Variants in NDUFS6 observed in about 807,000 individuals in gnomAD.
The protein encoded by NDUFS6 is NADH:ubiquinone oxidoreductase subunit S6, also known as NADH dehydrogenase [ubiquinone] iron-sulfur protein 6, mitochondrial.
A neutral mutation model predicts 13.2 loss-of-function variants in NDUFS6; 14 were observed. The ratio of observed to expected loss-of-function variants is 1.06; its 90% CI spans 0.70 to 1.66. NDUFS6 has a LOEUF of 1.66. Ranked by LOEUF, NDUFS6 falls within the 40% of genes most tolerant of loss-of-function variation. NDUFS6 has a pLI of 0.00. For synonymous variants in NDUFS6, 95 were observed against 72.3 expected (o/e 1.31, Z -1.60); for missense variants, 206 against 170.8 (o/e 1.21, Z -1.15).
chr5:1,810,638 C>T (rs1173555290), intron 2 of NDUFS6, among the ~76,000 whole-genome samples: 1 of 152,204 alleles, frequency 6.6e-6, no homozygotes, highest in Non-Finnish European at 1.5e-5. Flanking sequence ...TCTAATGATT[C>T]CCTTTTCCCA....
chr5:1,812,782 G>A (rs1037875129), intron 2 of NDUFS6, among the ~76,000 whole-genome samples: 5 of 151,648 alleles, frequency 3.3e-5, no homozygotes, highest in African/African-American at 1.2e-4. Flanking sequence ...GCCAGGCTCA[G>A]TGGCTCATGT....
At chr5:1,811,669 G>A (rs1451245580) in intron 2 of NDUFS6, among the ~76,000 whole-genome samples, 1 of 152,176 alleles carries the variant, frequency 6.6e-6, no homozygotes, top group Non-Finnish European at 1.5e-5. Flanking sequence ...TCTACTGACC[G>A]CATCACTGTA....
chr5:1,803,831 T>C (rs1734085450), intron 2 of NDUFS6, among the ~76,000 whole-genome samples: 1 of 152,260 alleles, frequency 6.6e-6, no homozygotes, highest in African/African-American at 2.4e-5. Flanking sequence ...TGGGCATTCT[T>C]GTTAGGTATA....
At chr5:1,812,953 T>C (rs1034216494) in intron 2 of NDUFS6, among the ~76,000 whole-genome samples, 1 of 152,128 alleles carries the variant, frequency 6.6e-6, no homozygotes, top group Admixed American at 6.5e-5. Flanking sequence ...CTCGGGAGGC[T>C]GAGGCAGAGA....
At chr5:1,809,923 G>A (rs1466242062) in intron 2 of NDUFS6, among the ~76,000 whole-genome samples, 1 of 152,258 alleles carries the variant, frequency 6.6e-6, no homozygotes, top group African/African-American at 2.4e-5. Context: ...CTGCTTTAAT[G>A]TGGCTTCATT....
At chr5:1,805,383 A>C (rs548672317) in intron 2 of NDUFS6, among the ~76,000 whole-genome samples, 1 of 152,246 alleles carries the variant, frequency 6.6e-6, no homozygotes, top group Non-Finnish European at 1.5e-5. Flanking sequence ...TAGAACAAGC[A>C]TAGCAGGAAG....
intron 3 of NDUFS6, among the ~76,000 whole-genome samples, chr5:1,815,301 A>C (rs11133910): frequency 0.74 from 111,920 of 151,964 alleles, 44,335 homozygotes; most frequent in Non-Finnish European, 0.88. Context: ...GGCCACCGAC[A>C]GTGGAGCACT....
chr5:1,806,306 G>C (rs1447008368), intron 2 of NDUFS6, among the ~76,000 whole-genome samples: 1 of 152,196 alleles, frequency 6.6e-6, no homozygotes, highest in East Asian at 1.9e-4. Flanking sequence ...TCTCTCCTCA[G>C]ATGCTCGGCA....
intron 2 of NDUFS6, among the ~76,000 whole-genome samples, chr5:1,813,741 T>C (rs934463077): frequency 1.3e-5 from 2 of 152,156 alleles, no homozygotes; most frequent in Non-Finnish European, 2.9e-5. Context: ...GGAGACCCAG[T>C]GTACGGTAGC....
chr5:1,806,158 C>G (rs1002850316), intron 2 of NDUFS6, among the ~76,000 whole-genome samples: 6 of 152,244 alleles, frequency 3.9e-5, no homozygotes, highest in Non-Finnish European at 8.8e-5. Context: ...AGGAATTAGG[C>G]AGCAAACCCG....
chr5:1,810,765 C>G (rs536154751), intron 2 of NDUFS6, among the ~76,000 whole-genome samples: 1 of 151,492 alleles, frequency 6.6e-6, no homozygotes, highest in Non-Finnish European at 1.5e-5. Flanking sequence ...CTCTGCTAAT[C>G]GTTGTCGGAG....
At chr5:1,802,914 C>G (rs1301062607) in intron 2 of NDUFS6, among the ~76,000 whole-genome samples, 2 of 112,478 alleles carry the variant, frequency 1.8e-5, no homozygotes, top group African/African-American at 2.5e-5. Flanking sequence ...CTAAATCAGC[C>G]TATTTTTTTT....
intron 2 of NDUFS6, among the ~76,000 whole-genome samples, chr5:1,813,230 G>A (rs1734248353): frequency 6.6e-6 from 1 of 152,290 alleles, no homozygotes; most frequent in East Asian, 1.9e-4. Flanking sequence ...TTTGGAAGCG[G>A]TTTTATTCTT....
chr5:1,815,079 G>A (rs1004456604), intron 3 of NDUFS6, among the ~76,000 whole-genome samples: 2 of 152,136 alleles, frequency 1.3e-5, no homozygotes, highest in Non-Finnish European at 2.9e-5. Flanking sequence ...GGGGGCACAC[G>A]GTTTATTTTC....
At chr5:1,813,626 T>C (rs531174123) in intron 2 of NDUFS6, among the ~76,000 whole-genome samples, 41 of 152,204 alleles carry the variant, frequency 2.7e-4, no homozygotes, top group Non-Finnish European at 8.8e-5. Flanking sequence ...TCCGTTTTGA[T>C]AGTAACTGAA....
rs752972568 is a variant in NDUFS6 at position 1,801,480 on chromosome 5, G to C, written c.63G>C (p.Leu21=). ...GGTGTGGCGAGGCGGCGCGGAGCCT[G>C]CCCCTGGGCGCCAGGTGTTTCGGGG... is the stretch of plus-strand genomic sequence containing the variant. ...LNRCGEAARS[L]PLGARCFGVR... is the part of the protein sequence containing the mutation. Residue 21 remains leucine (L), a synonymous_variant, in exon 1 of 4, where the codon CTG becomes CTC. Coordinates refer to ENST00000274137, the MANE Select transcript of NDUFS6 (RefSeq NM_004553.6). 1 of 1,603,088 alleles carries C rather than the reference G, an allele frequency of 6.2e-7. No homozygotes were observed. The highest frequency in any genetic ancestry group is 8.5e-7 in the Non-Finnish European group (1 of 1,178,768).
Position 1,801,523 on chromosome 5 carries a change from G to T in NDUFS6, c.106G>T (p.Gly36Trp). The T allele has an allele frequency of 6.3e-7, 1 of 1,595,030 alleles. No individual in the cohort carries two copies. Reference sequence around the variant, plus strand: ...TTTCGGGGTGCGGGTCTCGCCGACCGGGGAGAAGGTCACGCACACTGGCCA... The same window carrying T: ...TTTCGGGGTGCGGGTCTCGCCGACCTGGGAGAAGGTCACGCACACTGGCCA... Reference protein sequence around the residue: ...RCFGVRVSPTGEKVTHTGQVY... With the variant: ...RCFGVRVSPTWEKVTHTGQVY... The change falls in exon 1 of 4, where the codon GGG becomes TGG. Residue 36 changes from glycine (G) to tryptophan (W), a missense_variant. Gly to Trp is a radical substitution (Grantham distance 184). Coordinates refer to ENST00000274137, the MANE Select transcript of NDUFS6 (RefSeq NM_004553.6).
chr5:1,801,915 A>G (rs2111345482), intron 1 of NDUFS6, among the ~76,000 whole-genome samples: 1 of 152,364 alleles, frequency 6.6e-6, no homozygotes. Flanking sequence ...AGTCGGTTGT[A>G]GTCCAAGGCA....
intron 2 of NDUFS6, among the ~76,000 whole-genome samples, chr5:1,810,674 A>G (rs1261193234): frequency 6.6e-6 from 1 of 152,122 alleles, no homozygotes. Flanking sequence ...AGTTTCAACA[A>G]TTACCAACCG....
Sources: gnomAD v4.1 joint callset for allele counts (sites outside exome capture counted in the v4.1 genomes callset) on GRCh38, gnomAD v4.1.1 for gene constraint, MANE v1.5 for transcripts, NCBI Gene and HGNC (gene_info 2026-07-23, HGNC 2026-07-21) for gene names.